The following KIAA1958 variants were observed in gnomAD, a reference collection of about 807,000 sequenced individuals.
KIAA1958 encodes uncharacterized protein KIAA1958.
Under a neutral mutation model 47.2 loss-of-function variants are expected in KIAA1958, and 14 were observed. That is an observed-to-expected ratio of 0.30 (90% CI 0.20 to 0.46). KIAA1958 has a LOEUF of 0.46. Among genes scored for constraint, KIAA1958 ranks in the 20% least tolerant of loss-of-function variants. KIAA1958 has a pLI of 1.00. For missense variants in KIAA1958, 803 were observed against 909.2 expected (o/e 0.88, Z 1.50); for synonymous variants, 354 against 353.3 (o/e 1.00, Z -0.02).
intron 1 of KIAA1958, among the ~76,000 whole-genome samples, chr9:112,494,712 C>T (rs141637630): frequency 0.01 from 1,588 of 152,150 alleles, 29 homozygotes; most frequent in African/African-American, 0.035. Context: ...AAATGATCCA[C>T]CTGCCTCAGC....
intron 1 of KIAA1958, among the ~76,000 whole-genome samples, chr9:112,528,480 C>A (rs558422739): frequency 6.6e-6 from 1 of 152,170 alleles, no homozygotes; most frequent in Middle Eastern, 3.4e-3. Flanking sequence ...ATCAGCCAGG[C>A]TCTCACCTTC....
At chr9:112,621,721 T>C (rs1380373392) in intron 2 of KIAA1958, among the ~76,000 whole-genome samples, 4 of 152,086 alleles carry the variant, frequency 2.6e-5, no homozygotes, top group African/African-American at 7.2e-5. Context: ...GGTAGAAGCC[T>C]AGCCAAATTA....
chr9:112,621,742 CTTTG>C (rs3033071), intron 2 of KIAA1958, among the ~76,000 whole-genome samples: 14,832 of 152,068 alleles, frequency 0.098, 929 homozygotes, highest in Middle Eastern at 0.18. Context: ...CAGTATCAGT[CTTTG>C]TTTGTTTGTT....
At chr9:112,651,095 T>C (rs1309850635) in intron 3 of KIAA1958, among the ~76,000 whole-genome samples, 1 of 152,182 alleles carries the variant, frequency 6.6e-6, no homozygotes, top group Non-Finnish European at 1.5e-5. Flanking sequence ...TCAGTACTTC[T>C]CCCTTGGTAA....
intron 1 of KIAA1958, among the ~76,000 whole-genome samples, chr9:112,525,807 C>T (rs1049623398): frequency 1.3e-5 from 2 of 150,518 alleles, no homozygotes. Flanking sequence ...TGAACAGACC[C>T]GCAATTTACT....
intron 2 of KIAA1958, among the ~76,000 whole-genome samples, chr9:112,636,539 A>G (rs1204785685): frequency 6.6e-6 from 1 of 152,052 alleles, no homozygotes; most frequent in Admixed American, 6.6e-5. Flanking sequence ...TTTGCTTTCT[A>G]TATGTCTATA....
At chr9:112,560,307 C>T (rs7030003) in intron 1 of KIAA1958, among the ~76,000 whole-genome samples, 38,276 of 149,372 alleles carry the variant, frequency 0.26, 4,880 homozygotes, top group Middle Eastern at 0.41. Flanking sequence ...CATAAGCAGT[C>T]GTCCTCCCTC....
chr9:112,549,235 G>A (rs1281533367), intron 1 of KIAA1958, among the ~76,000 whole-genome samples: 1 of 152,162 alleles, frequency 6.6e-6, no homozygotes, highest in Non-Finnish European at 1.5e-5. Flanking sequence ...TATAAACTCA[G>A]TAATGGCATT....
intron 1 of KIAA1958, among the ~76,000 whole-genome samples, chr9:112,563,472 T>G (rs1210274247): frequency 6.6e-6 from 1 of 152,184 alleles, no homozygotes; most frequent in Non-Finnish European, 1.5e-5. Flanking sequence ...CCTTGGCATA[T>G]ATTTTGGCAC....
At chr9:112,581,978 C>T in intron 2 of KIAA1958, 1 of 254,364 alleles carries the variant, frequency 3.9e-6, no homozygotes, top group South Asian at 5.6e-5. Context: ...CTGTCAGAGC[C>T]ACATACCCAT....
intron 1 of KIAA1958, among the ~76,000 whole-genome samples, chr9:112,561,300 T>C (rs567354367): frequency 3.3e-5 from 5 of 152,006 alleles, no homozygotes; most frequent in Admixed American, 3.3e-4. Flanking sequence ...GCGATCTGCC[T>C]GCCTCGGCCT....
At chr9:112,489,470 T>C (rs1833924800) in intron 1 of KIAA1958, among the ~76,000 whole-genome samples, 1 of 127,224 alleles carries the variant, frequency 7.9e-6, no homozygotes. Context: ...GTTTATGTTT[T>C]TGTGTTTTTT....
chr9:112,526,842 C>T (rs1346757201), intron 1 of KIAA1958, among the ~76,000 whole-genome samples: 1 of 152,186 alleles, frequency 6.6e-6, no homozygotes, highest in Non-Finnish European at 1.5e-5. Context: ...GACAGACATT[C>T]AAACCATAGC....
intron 1 of KIAA1958, among the ~76,000 whole-genome samples, chr9:112,521,592 T>TTGCA (rs1834545253): frequency 6.6e-6 from 1 of 152,210 alleles, no homozygotes; most frequent in Non-Finnish European, 1.5e-5. Flanking sequence ...TTTAGTTTTA[T>TTGCA]TGCATTTCAG....
At chr9:112,652,613 T>C (rs914568939) in intron 3 of KIAA1958, among the ~76,000 whole-genome samples, 1 of 151,866 alleles carries the variant, frequency 6.6e-6, no homozygotes, top group Non-Finnish European at 1.5e-5. Flanking sequence ...TAACCCATTG[T>C]TTTTTTTGTT....
chr9:112,499,909 C>CT (rs1834106149), intron 1 of KIAA1958, among the ~76,000 whole-genome samples: 1 of 151,928 alleles, frequency 6.6e-6, no homozygotes, highest in Non-Finnish European at 1.5e-5. Flanking sequence ...AGGATGGTCT[C>CT]TATCTCCTGA....
intron 1 of KIAA1958, among the ~76,000 whole-genome samples, chr9:112,497,096 A>T (rs1834060947): frequency 6.6e-6 from 1 of 152,214 alleles, no homozygotes; most frequent in Admixed American, 6.5e-5. Flanking sequence ...TATAATACAG[A>T]GAGGTTCTTT....
chr9:112,530,774 G>A (rs956818660), intron 1 of KIAA1958, among the ~76,000 whole-genome samples: 8 of 152,264 alleles, frequency 5.3e-5, no homozygotes, highest in South Asian at 2.1e-4. Context: ...GTGTTTCAGT[G>A]ATTATATATT....
chr9:112,659,160 T>C (rs907359497), intron 3 of KIAA1958, 103 bp from the exon 4 acceptor site: 9 of 901,822 alleles, frequency 1.0e-5, no homozygotes, highest in Non-Finnish European at 1.5e-5. Context: ...TGCTAAGGGG[T>C]CACAGAATGT....
Sources: allele counts gnomAD v4.1 joint callset (sites outside exome capture counted in the v4.1 genomes callset), GRCh38; gene constraint gnomAD v4.1.1; transcripts MANE v1.5; gene names NCBI Gene and HGNC (gene_info 2026-07-23, HGNC 2026-07-21).